The following ASB2 variants were observed in gnomAD, a reference collection of about 807,000 sequenced individuals.
ASB2 encodes the protein ankyrin repeat and SOCS box containing 2, also known as ankyrin repeat and SOCS box protein 2.
In ASB2, 58 loss-of-function variants were observed where a neutral mutation model predicts 62.4. That is an observed-to-expected ratio of 0.93 (90% CI 0.75 to 1.16). ASB2 has a LOEUF of 1.16. ASB2 is among the 50% of genes most tolerant of loss of function. The pLI is 0.00. For synonymous variants in ASB2, 386 were observed against 385.3 expected, an observed-to-expected ratio of 1.00 and a Z score of -0.02; for missense variants, 928 against 887.9, an observed-to-expected ratio of 1.05 and a Z score of -0.57.
intron 3 of ASB2, chr14:93,955,000 A>G (rs1464242580): frequency 4.4e-6 from 2 of 454,204 alleles, no homozygotes; most frequent in South Asian, 1.6e-5. Context: ...TCTGAATGTC[A>G]AAAAGATTTG....
intron 2 of ASB2, among the ~76,000 whole-genome samples, chr14:93,957,662 G>T (rs1192920893): frequency 1.3e-5 from 2 of 152,144 alleles, no homozygotes; most frequent in Non-Finnish European, 2.9e-5. Context: ...AGGCACAGAG[G>T]GTGTTCCACA....
rs549508095 is a variant in ASB2 at position 93,948,302 on chromosome 14, A to T, written c.881-782T>A. 6.5e-5 allele frequency: 10 copies of T among 154,520 alleles called. No individual in the cohort carries two copies. The South Asian group carries it at 2.0e-3, about 31-fold the overall frequency. 9.6% of individuals were successfully genotyped at this position (154,520 alleles called of 1,614,324 possible). On this transcript the variant is annotated intron_variant, in intron 6 of 9. Coordinates refer to ENST00000555019, the MANE Select transcript of ASB2 (RefSeq NM_001202429.2). ...CCCAGATGGTCTGATGGCAGAGGCC[A>T]TGGTGGATATTCTGATGGTAGAGGC...
intron 7 of ASB2, chr14:93,942,234 G>T: frequency 2.2e-6 from 1 of 456,062 alleles, no homozygotes; most frequent in Middle Eastern, 3.3e-4. Context: ...AATTGCTCAA[G>T]CGGCACCTCA....
intron 7 of ASB2, among the ~76,000 whole-genome samples, chr14:93,946,658 A>G (rs893714271): frequency 6.6e-6 from 1 of 152,196 alleles, no homozygotes; most frequent in African/African-American, 2.4e-5. Context: ...GCTCTTCGGC[A>G]TGCTCTTTCA....
At chr14:93,968,467 T>C (rs911761354) in intron 1 of ASB2, among the ~76,000 whole-genome samples, 1 of 152,172 alleles carries the variant, frequency 6.6e-6, no homozygotes, top group East Asian at 1.9e-4. Flanking sequence ...AAGCTGGGAT[T>C]TGAAGCCTGA....
At chr14:93,972,273 T>C (rs1567034272) in intron 1 of ASB2, among the ~76,000 whole-genome samples, 1 of 151,940 alleles carries the variant, frequency 6.6e-6, no homozygotes, top group Non-Finnish European at 1.5e-5. Context: ...CCAAAACTTA[T>C]CTTTCTGATC....
At chr14:93,955,564 CA>C in intron 3 of ASB2, 1 of 175,476 alleles carries the variant, frequency 5.7e-6, no homozygotes, top group Non-Finnish European at 1.2e-5. Flanking sequence ...GGAGTGTCTC[CA>C]AAGGGACCCC....
chr14:93,936,658 T>C (rs949924717), intron 9 of ASB2, among the ~76,000 whole-genome samples: 1 of 152,212 alleles, frequency 6.6e-6, no homozygotes, highest in African/African-American at 2.4e-5. Context: ...ACATTTGGGT[T>C]CACAGGGGTG....
At chr14:93,954,837 C>T (rs961159968) in intron 3 of ASB2, among the ~76,000 whole-genome samples, 1 of 152,212 alleles carries the variant, frequency 6.6e-6, no homozygotes, top group Non-Finnish European at 1.5e-5. Context: ...ACGCCCATCT[C>T]GGGGGCCCCC....
At chr14:93,947,792 G>A (rs1387783456) in intron 6 of ASB2, among the ~76,000 whole-genome samples, 2 of 151,908 alleles carry the variant, frequency 1.3e-5, no homozygotes, top group Non-Finnish European at 2.9e-5. Context: ...TCAGGAGTTC[G>A]AGACCAGCCC....
intron 2 of ASB2, among the ~76,000 whole-genome samples, chr14:93,962,642 G>A (rs1166113626): frequency 6.6e-6 from 1 of 152,218 alleles, no homozygotes; most frequent in Non-Finnish European, 1.5e-5. Context: ...CCCTCCAGAT[G>A]AAGGCAGAGT....
intron 2 of ASB2, among the ~76,000 whole-genome samples, chr14:93,959,934 G>A (rs1043290393): frequency 2.0e-5 from 3 of 151,528 alleles, no homozygotes; most frequent in Non-Finnish European, 4.4e-5. Context: ...CCCCACGCCC[G>A]CCAACATGTC....
chr14:93,970,730 G>A (rs561029627), intron 1 of ASB2, among the ~76,000 whole-genome samples: 3 of 152,216 alleles, frequency 2.0e-5, no homozygotes, highest in East Asian at 3.9e-4. Context: ...ACGGTGGCAC[G>A]GCCCGAGTGC....
At position 93,939,131 on chromosome 14, in the gene ASB2, C is replaced by A. The variant is rs750618389; in HGVS notation, c.1594G>T (p.Asp532Tyr). 1.2e-5 allele frequency: 18 copies of A among 1,535,098 alleles called. No homozygotes were observed. Among genetic ancestry groups the A allele is most frequent in the Non-Finnish European group, 1.4e-5 (16 of 1,137,242 alleles). ...ACCTGCACCACGCTGGGCTCCTTGT[C>A]GGCCGCGGGCGCGTCGTTGAACCTG... ...SSRFNDAPAA[D>Y]KEPSVVQFCE... is the part of the protein sequence containing the mutation. The change falls in exon 8 of 10, where the codon GAC (aspartate) becomes TAC (tyrosine). Residue 532 changes from aspartate (D) to tyrosine (Y), a missense_variant. Asp to Tyr is a radical substitution (Grantham distance 160, BLOSUM62 -3). Transcript: ENST00000555019.
Position 93,934,358 on chromosome 14 carries a change from C to G in ASB2, c.*298G>C. 1 of 438,738 alleles carries G rather than the reference C, an allele frequency of 2.3e-6. No individual in the cohort carries two copies. Among genetic ancestry groups the G allele is most frequent in the Admixed American group, 3.2e-5 (1 of 31,026 alleles). The allele number at this position is 438,738 out of a possible 1,614,324, so 27.2% of individuals were successfully genotyped here. ...GAGCACCACCTTCCCCAGAACACCTCAAGCTCTGCCCTGGCCCCAGGAATA... is the reference window on the plus strand; with the variant it reads ...GAGCACCACCTTCCCCAGAACACCTGAAGCTCTGCCCTGGCCCCAGGAATA... On this transcript the variant is annotated 3_prime_UTR_variant, in exon 10 of 10. Coordinates refer to ENST00000555019, the MANE Select transcript of ASB2 (RefSeq NM_001202429.2).
intron 7 of ASB2, among the ~76,000 whole-genome samples, chr14:93,943,589 A>T (rs1319514093): frequency 6.6e-6 from 1 of 152,226 alleles, no homozygotes; most frequent in African/African-American, 2.4e-5. Flanking sequence ...GGTTGCAGCG[A>T]GCCAAGATTG....
intron 1 of ASB2, among the ~76,000 whole-genome samples, chr14:93,972,680 T>A (rs1432254430): frequency 6.6e-6 from 1 of 152,192 alleles, no homozygotes; most frequent in Admixed American, 6.5e-5. Flanking sequence ...GGAGGCTTCA[T>A]CTCTGCTCTG....
At chr14:93,960,580 G>T (rs780359936) in intron 2 of ASB2, among the ~76,000 whole-genome samples, 2 of 152,156 alleles carry the variant, frequency 1.3e-5, no homozygotes, top group Non-Finnish European at 2.9e-5. Flanking sequence ...GGAAACCTTG[G>T]GCTCTGCACT....
intron 7 of ASB2, chr14:93,941,461 A>G: frequency 2.8e-6 from 1 of 354,662 alleles, no homozygotes; most frequent in East Asian, 7.8e-5. Context: ...AAGTATTATG[A>G]TTGTTAGTGA....
Sources: allele counts gnomAD v4.1 joint callset (sites outside exome capture counted in the v4.1 genomes callset), GRCh38; gene constraint gnomAD v4.1.1; transcripts MANE v1.5; gene names NCBI Gene and HGNC (gene_info 2026-07-23, HGNC 2026-07-21).